Variants in UGT1A6 observed in about 807,000 individuals in gnomAD.
UGT1A6 encodes UDP glucuronosyltransferase family 1 member A6.
UGT1A6 carries 32 observed loss-of-function variants against 44.4 expected under a neutral mutation model. The ratio of observed to expected loss-of-function variants is 0.72; its 90% confidence interval spans 0.54 to 0.97. The LOEUF is 0.97. Among genes scored for constraint, UGT1A6 ranks in the 50% least tolerant of loss-of-function variants. The probability of loss-of-function intolerance (pLI) is 0.00; values close to 1 mark genes in which losing one functional copy is unlikely to be tolerated. For missense variants in UGT1A6, 685 were observed against 661.9 expected, an observed-to-expected ratio of 1.03 and a Z score of -0.38; for synonymous variants, 238 against 248.5, an observed-to-expected ratio of 0.96 and a Z score of 0.40.
At chr2:233,768,582 CTTTTTTTTTT>C (rs139595073) in intron 4 of UGT1A6, 143 bp downstream of exon 4, 137,204 of 1,033,644 alleles carry the variant, frequency 0.13, 3,227 homozygotes, top group African/African-American at 0.2. Flanking sequence ...TTTATTTCTT[CTTTTTTTTTT>C]TTTTTTTTTT....
chr2:233,726,566 C>G (rs772348074), intron 1 of UGT1A6, among the ~76,000 whole-genome samples: 4 of 152,178 alleles, frequency 2.6e-5, no homozygotes, highest in African/African-American at 2.4e-5. Flanking sequence ...CCCACTCTTA[C>G]GCCTGTCTCC....
chr2:233,705,497 CT>C (rs1357933630), intron 1 of UGT1A6, among the ~76,000 whole-genome samples: 2 of 151,954 alleles, frequency 1.3e-5, no homozygotes, highest in Non-Finnish European at 2.9e-5. Flanking sequence ...TAATAAATAC[CT>C]TTTTAAGAAT....
chr2:233,699,226 C>T (rs367936374), intron 1 of UGT1A6, among the ~76,000 whole-genome samples: 5 of 152,180 alleles, frequency 3.3e-5, no homozygotes, highest in South Asian at 2.1e-4. Flanking sequence ...AAAACAAAAA[C>T]GAACTTTTGT....
At chr2:233,708,067 C>T (rs2076002868) in intron 1 of UGT1A6, among the ~76,000 whole-genome samples, 1 of 152,200 alleles carries the variant, frequency 6.6e-6, no homozygotes, top group Non-Finnish European at 1.5e-5. Flanking sequence ...CACTCTGCAT[C>T]TTGCTTTTTA....
At chr2:233,724,199 C>T (rs1410873416) in intron 1 of UGT1A6, among the ~76,000 whole-genome samples, 7 of 127,042 alleles carry the variant, frequency 5.5e-5, no homozygotes, top group African/African-American at 1.3e-4. Context: ...GGTGGCTGGC[C>T]GGGCTGAGGG....
intron 1 of UGT1A6, among the ~76,000 whole-genome samples, chr2:233,728,459 T>G (rs570780705): frequency 6.6e-6 from 1 of 152,268 alleles, no homozygotes; most frequent in South Asian, 2.1e-4. Context: ...CTCAACAAAG[T>G]CTTCCCAAGA....
chr2:233,767,244 T>A, intron 2 of UGT1A6, 79 bp downstream of exon 2: 13 of 1,606,204 alleles, frequency 8.1e-6, no homozygotes, highest in Non-Finnish European at 1.1e-5. Context: ...CCAGATTAAT[T>A]CTCTTAATTG....
At position 233,767,018 on chromosome 2, in the gene UGT1A6, T is replaced by G. The variant is rs1699309557; in HGVS notation, c.862-16T>G. ...TATGAGAAAAAATTAACTGAAAATT[T>G]TTCTTCTGGCTCTAGGAATTTGAAG... On this transcript the variant is annotated splice_polypyrimidine_tract_variant and intron_variant, in intron 1 of 4. Coordinates refer to ENST00000305139, the MANE Select transcript of UGT1A6 (RefSeq NM_001072.4). 1 of 1,613,912 alleles carries G rather than the reference T, an allele frequency of 6.2e-7. No individual in the cohort carries two copies. Among genetic ancestry groups the G allele is most frequent in the East Asian group, 2.2e-5 (1 of 44,862 alleles).
intron 1 of UGT1A6, among the ~76,000 whole-genome samples, chr2:233,737,452 T>A (rs1303552589): frequency 6.6e-6 from 1 of 152,148 alleles, no homozygotes; most frequent in Non-Finnish European, 1.5e-5. Flanking sequence ...TTTTTCCAGG[T>A]ACAGTCTGTC....
intron 1 of UGT1A6, among the ~76,000 whole-genome samples, chr2:233,739,955 T>C (rs2125826386): frequency 6.6e-6 from 1 of 152,058 alleles, no homozygotes; most frequent in South Asian, 2.1e-4. Flanking sequence ...TGGTGGGAGC[T>C]GATTGAATCA....
rs950198102 is a variant in UGT1A6 at position 233,769,900 on chromosome 2, C to G, written c.1301+1461C>G. ...TGAAAAGTCCACATAACCTGAGCAT[C>G]ATGTGCCCAGAGCGTTGGGTGGTGT... is the stretch of plus-strand genomic sequence containing the variant. On this transcript the variant is annotated intron_variant, in intron 4 of 4. Transcript: ENST00000305139. The surrounding 1 kb of genome is among the most constrained non-coding windows in gnomAD (Gnocchi z 4.4). 3.8e-5 allele frequency: 13 copies of G among 342,836 alleles called. No individual in the cohort carries two copies. The highest frequency in any genetic ancestry group is 6.8e-5 in the Non-Finnish European group (13 of 189,812). 21.2% of individuals were successfully genotyped at this position (342,836 alleles called of 1,614,324 possible). A position where few individuals can be genotyped will look rare whatever the true frequency, so the allele number is the denominator to read the frequency against.
rs1485888079 is a variant in UGT1A6 at position 233,751,702 on chromosome 2, C to A, written c.862-15332C>A. On this transcript the variant is annotated intron_variant, in intron 1 of 4. Coordinates refer to ENST00000305139, the MANE Select transcript of UGT1A6 (RefSeq NM_001072.4). ...GCTGATGGTTTTATAAGGGGCTCTT[C>A]CTCCTTCACTCACAAGTGAACTCTT... is the stretch of plus-strand genomic sequence containing the variant. Among the ~76,000 whole-genome samples, 4 of 152,152 alleles carry A rather than the reference C, an allele frequency of 2.6e-5. No individual in the cohort carries two copies. In the South Asian group the frequency reaches 8.3e-4, roughly 32 times the overall value.
chr2:233,706,457 A>G, intron 1 of UGT1A6, among the ~76,000 whole-genome samples: 1 of 152,222 alleles, frequency 6.6e-6, no homozygotes. Context: ...ATGACCATTG[A>G]GGTTTCACCA....
chr2:233,701,410 C>G (rs905245248), intron 1 of UGT1A6, among the ~76,000 whole-genome samples: 1 of 152,020 alleles, frequency 6.6e-6, no homozygotes, highest in African/African-American at 2.4e-5. Flanking sequence ...CTTTAACACC[C>G]CACTGTCAAC....
In UGT1A6 at chr2:233,751,447, G is replaced by T. The variant is rs116747594; in HGVS notation, c.862-15587G>T. Reference sequence around the variant, plus strand: ...GCTGAAATGAGTTAAGACTTTGGAAGATTGTTGGGAAGGCACGATTGGTTT... The same window carrying T: ...GCTGAAATGAGTTAAGACTTTGGAATATTGTTGGGAAGGCACGATTGGTTT... On this transcript the variant is annotated intron_variant, in intron 1 of 4. Transcript: ENST00000305139. Among the ~76,000 whole-genome samples the T allele has an allele frequency of 9.7e-3, 1,485 of 152,320 alleles. 22 individuals carry two copies. Among genetic ancestry groups the T allele is most frequent in the African/African-American group, 0.034 (1,416 of 41,558 alleles).
intron 1 of UGT1A6, among the ~76,000 whole-genome samples, chr2:233,702,216 G>A (rs1362223857): frequency 2.0e-5 from 3 of 151,996 alleles, no homozygotes; most frequent in Non-Finnish European, 4.4e-5. Flanking sequence ...TCAACTTTCT[G>A]TCCTTATGAA....
chr2:233,731,446 C>G (rs1336068752), intron 1 of UGT1A6, among the ~76,000 whole-genome samples: 3 of 152,132 alleles, frequency 2.0e-5, no homozygotes, highest in Non-Finnish European at 4.4e-5. Flanking sequence ...GTCCCCCACC[C>G]CACAACAGGC....
At chr2:233,755,012 G>C in intron 1 of UGT1A6, 1 of 1,294,464 alleles carries the variant, frequency 7.7e-7, no homozygotes, top group Non-Finnish European at 1.0e-6. Flanking sequence ...CCTACTCGAA[G>C]GGGTCCTTGA....
intron 1 of UGT1A6, among the ~76,000 whole-genome samples, chr2:233,758,520 T>A (rs1404036248): frequency 1.3e-5 from 2 of 152,094 alleles, no homozygotes; most frequent in African/African-American, 4.8e-5. Context: ...CAACAAAGAG[T>A]GAAAGCATTG....
Sources: gnomAD v4.1 joint callset for allele counts (sites outside exome capture counted in the v4.1 genomes callset) on GRCh38, gnomAD v4.1.1 for gene constraint, Gnocchi (gnomAD v3.1) non-coding constraint, MANE v1.5 for transcripts, NCBI Gene and HGNC (gene_info 2026-07-23, HGNC 2026-07-21) for gene names.